The following SASH1 variants were observed in gnomAD, a reference collection of about 807,000 sequenced individuals.
SASH1 encodes SAM and SH3 domain containing 1.
SASH1 carries 44 observed loss-of-function variants against 125.2 expected under a neutral mutation model. The observed-to-expected ratio is 0.35, with a 90% CI of 0.28 to 0.45. SASH1 has a LOEUF of 0.45. SASH1 is among the 20% of genes least tolerant of loss of function. SASH1 has a pLI of 1.00. For synonymous variants in SASH1, 639 were observed against 649.1 expected, an observed-to-expected ratio of 0.98 and a Z score of 0.24; for missense variants, 1,426 against 1,614.5, an observed-to-expected ratio of 0.88 and a Z score of 2.00.
rs35487674 is a variant in SASH1 at position 148,471,386 on chromosome 6, CTTTTTTTTTTTTT to C, written c.428-16_428-4del. The C allele has an allele frequency of 1.5e-4, 77 of 503,560 alleles. No individual in the cohort carries two copies. The highest frequency in any genetic ancestry group is 2.5e-4 in the South Asian group (7 of 28,330). 31.2% of individuals were successfully genotyped at this position (503,560 alleles called of 1,614,324 possible). A position where few individuals can be genotyped will look rare whatever the true frequency, so the allele number is the denominator to read the frequency against. On this transcript the variant is annotated intron_variant, in intron 5 of 19. Transcript: ENST00000367467. Reference sequence around the variant, plus strand: ...GAATTTATTGCTTGTGCTTTTTGTTCTTTTTTTTTTTTTTTTTTTTTTTTTTTAAGGAAAAGGA... The same window carrying C: ...GAATTTATTGCTTGTGCTTTTTGTTCTTTTTTTTTTTTTTAAGGAAAAGGA...
At position 148,544,690 on chromosome 6, in the gene SASH1, G is replaced by A. The variant is rs775841453; in HGVS notation, c.3220G>A (p.Gly1074Ser). The A allele has an allele frequency of 6.2e-5, 100 of 1,612,610 alleles. No homozygotes were observed. The South Asian group carries it at 8.4e-4, about 14-fold the overall frequency. The change falls in exon 18 of 20, where the codon GGT (glycine) becomes AGT (serine). Residue 1074 changes from glycine to serine, a missense_variant. Gly to Ser is a moderately conservative substitution (Grantham distance 56). Transcript: ENST00000367467. This position sits in a 1 kb window ranked among gnomAD's most constrained non-coding sequence, Gnocchi z 6.4. ...CGAGAACACAAGCCTCCAGGAGCAC[G>A]GTGTGAAGCTGGGCCCGGCTTTGAC... ...LPENTSLQEH[G>S]VKLGPALTRK... is the part of the protein sequence containing the mutation.
chr6:148,397,897 G>GTT (rs1403183540), intron 2 of SASH1, among the ~76,000 whole-genome samples: 12 of 152,202 alleles, frequency 7.9e-5, no homozygotes, highest in African/African-American at 2.9e-4. Context: ...AGAGGCCACA[G>GTT]TTTAGTAGGG....
intron 1 of SASH1, among the ~76,000 whole-genome samples, chr6:148,368,166 G>A (rs1467685408): frequency 1.3e-5 from 2 of 152,210 alleles, no homozygotes; most frequent in South Asian, 4.1e-4. Context: ...AAGCAGTAAG[G>A]TTAGCTTAAG....
At chr6:148,216,007 G>A in the SASH1 span, among the ~76,000 whole-genome samples, 11 of 151,896 alleles carry the variant, frequency 7.2e-5, no homozygotes, top group East Asian at 3.9e-4. Flanking sequence ...ACAGGCGCCC[G>A]CCACCACACC....
intron 1 of SASH1, among the ~76,000 whole-genome samples, chr6:148,320,646 T>C (rs1166663881): frequency 6.6e-6 from 1 of 152,210 alleles, no homozygotes; most frequent in Admixed American, 6.5e-5. Flanking sequence ...GGAAAGTGTT[T>C]GACCATCCAT....
At chr6:148,387,644 CTTTCTTTCTTTCTTTCTTTCTTT>C (rs1783502501) in intron 1 of SASH1, among the ~76,000 whole-genome samples, 1 of 44,402 alleles carries the variant, frequency 2.3e-5, no homozygotes, top group Non-Finnish European at 4.7e-5. Context: ...TTCTTTCTTT[CTTTCTTTCTTTCTTTCTTTCTTT>C]CTTTCTTTCT....
At chr6:148,307,094 T>TTCTTTCTTTCTTTCTTTCTTTC (rs1240787953) in intron 1 of SASH1, among the ~76,000 whole-genome samples, 1 of 120,694 alleles carries the variant, frequency 8.3e-6, no homozygotes, top group African/African-American at 3.2e-5. Flanking sequence ...CTTTCTTTCT[T>TTCTTTCTTTCTTTCTTTCTTTC]TCTCTCTCTC....
chr6:148,222,822 G>A, the SASH1 span, among the ~76,000 whole-genome samples: 1 of 148,908 alleles, frequency 6.7e-6, no homozygotes, highest in East Asian at 2.0e-4. Flanking sequence ...CTCCAAATAT[G>A]TTTACTAAGC....
chr6:148,470,777 TGTAGGTGGGTCACCAG>T lies in SASH1; in HGVS notation c.428-635_428-620del, dbSNP rs558618836. ...GCTTGTCTTTGTGCCCTGGGTAAGC[TGTAGGTGGGTCACCAG>T]GTAGCCTGAATGCCAGGGAGTGCCA... On this transcript the variant is annotated intron_variant, in intron 5 of 19. Coordinates refer to ENST00000367467, the MANE Select transcript of SASH1 (RefSeq NM_015278.5). 1.1e-4 allele frequency among the ~76,000 whole-genome samples: 16 copies of T among 152,222 alleles called. No individual in the cohort carries two copies. The East Asian group carries it at 3.1e-3, about 29-fold the overall frequency.
rs10710533 is a variant in SASH1 at position 148,514,458 on chromosome 6, T to TAAAAAAAAAAAAAAAAAAAA, written c.862+11_862+30dup. The TAAAAAAAAAAAAAAAAAAAA allele has an allele frequency of 5.2e-6, 3 of 573,378 alleles. No individual in the cohort carries two copies. The highest frequency in any genetic ancestry group is 1.1e-4 in the East Asian group (1 of 8,786). 35.5% of individuals were successfully genotyped at this position (573,378 alleles called of 1,614,324 possible). A position where few individuals can be genotyped will look rare whatever the true frequency, so the allele number is the denominator to read the frequency against. Reference sequence around the variant, plus strand: ...AAATGAAAAAACCCAGCACTGAAGGTAAAAAAAAAAAAAAAAAAAAAAAAA... The same window carrying TAAAAAAAAAAAAAAAAAAAA: ...AAATGAAAAAACCCAGCACTGAAGGTAAAAAAAAAAAAAAAAAAAAAAAAAAAAAAAAAAAAAAAAAAAAA... On this transcript the variant is annotated splice_region_variant and intron_variant, in intron 9 of 19. Coordinates refer to ENST00000367467, the MANE Select transcript of SASH1 (RefSeq NM_015278.5).
At chr6:148,351,191 GTTTTT>G (rs67285564) in intron 1 of SASH1, among the ~76,000 whole-genome samples, 2,720 of 102,160 alleles carry the variant, frequency 0.027, 78 homozygotes, top group African/African-American at 0.086. Context: ...TGCGATAGTA[GTTTTT>G]TTTTTTTTTT....
intron 16 of SASH1, among the ~76,000 whole-genome samples, chr6:148,539,849 G>A (rs55670014): frequency 0.067 from 10,179 of 152,122 alleles, 448 homozygotes; most frequent in Non-Finnish European, 0.096. Context: ...TTTGTGCCTC[G>A]TCTTGCCAGC....
chr6:148,222,118 C>A, the SASH1 span, among the ~76,000 whole-genome samples: 3,341 of 152,212 alleles, frequency 0.022, 112 homozygotes, highest in African/African-American at 0.077. Flanking sequence ...TGTGGGGCAC[C>A]TTTGCTTTTC....
chr6:148,198,649 C>T, the SASH1 span, among the ~76,000 whole-genome samples: 2 of 152,224 alleles, frequency 1.3e-5, no homozygotes, highest in Admixed American at 1.3e-4. Context: ...TTTAGACTGA[C>T]AGGTCTTAGA....
At position 148,543,887 on chromosome 6, in the gene SASH1, G is replaced by A. The variant is rs1782377095; in HGVS notation, c.2417G>A (p.Gly806Asp). 1 of 1,614,196 alleles carries A rather than the reference G, an allele frequency of 6.2e-7. No homozygotes were observed. The highest frequency in any genetic ancestry group is 1.1e-5 in the South Asian group (1 of 91,084). ...SKSCDPPGVTGLNKNRRSLPV... is the reference protein window; with the variant it reads ...SKSCDPPGVTDLNKNRRSLPV... ...AGCTGTGACCCACCTGGTGTGACTG[G>A]TTTGAATAAAAACCGAAGAAGCCTC... The change falls in exon 18 of 20, where the codon GGT becomes GAT. Residue 806 changes from glycine (G) to aspartate (D), a missense_variant. Around this residue, in one of 3 missense-constraint regions of SASH1, gnomAD observed 634 missense variants for 694.4 expected, o/e 0.91. Transcript: ENST00000367467.
intron 4 of SASH1, among the ~76,000 whole-genome samples, chr6:148,455,436 C>T (rs1314785862): frequency 4.6e-5 from 7 of 152,240 alleles, no homozygotes; most frequent in African/African-American, 7.2e-5. Flanking sequence ...GAAAGCTTCC[C>T]GGTGTCTGAA....
intron 8 of SASH1, among the ~76,000 whole-genome samples, chr6:148,488,039 TGCTG>T (rs1253881420): frequency 6.6e-6 from 1 of 152,148 alleles, no homozygotes; most frequent in African/African-American, 2.4e-5. Context: ...ACATTCACAT[TGCTG>T]TGCAACCAGC....
chr6:148,193,509 C>T, the SASH1 span, among the ~76,000 whole-genome samples: 1 of 152,104 alleles, frequency 6.6e-6, no homozygotes, highest in Non-Finnish European at 1.5e-5. Flanking sequence ...TGTTTGCTTC[C>T]CTGTGCTCAG....
intron 1 of SASH1, among the ~76,000 whole-genome samples, chr6:148,370,716 G>A (rs138212012): frequency 0.019 from 2,853 of 151,898 alleles, 89 homozygotes; most frequent in African/African-American, 0.065. Flanking sequence ...CCAGCTACTC[G>A]GGAGGCTGAG....
Sources: gnomAD v4.1 joint callset for allele counts (sites outside exome capture counted in the v4.1 genomes callset) on GRCh38, gnomAD v4.1.1 for gene constraint, gnomAD v4.1.1 regional missense constraint, Gnocchi (gnomAD v3.1) non-coding constraint, MANE v1.5 for transcripts, NCBI Gene and HGNC (gene_info 2026-07-23, HGNC 2026-07-21) for gene names.